The following ATP8B4 variants were observed in gnomAD, a reference collection of about 807,000 sequenced individuals.
ATP8B4 encodes the protein ATPase phospholipid transporting 8B4 (putative).
A neutral mutation model predicts 145.6 loss-of-function variants in ATP8B4; 133 were observed. That is an observed-to-expected ratio of 0.91 (90% CI 0.79 to 1.05). The LOEUF is 1.05. Ranked by LOEUF, ATP8B4 falls within the 50% of genes least tolerant of loss-of-function variation. The pLI is 0.00. For synonymous variants in ATP8B4, 507 were observed against 492.9 expected, an observed-to-expected ratio of 1.03 and a Z score of -0.38; for missense variants, 1,458 against 1,425.2, an observed-to-expected ratio of 1.02 and a Z score of -0.37.
chr15:49,926,402 C>G (rs1244575535), intron 16 of ATP8B4, among the ~76,000 whole-genome samples: 1 of 152,120 alleles, frequency 6.6e-6, no homozygotes, highest in African/African-American at 2.4e-5. Flanking sequence ...CTTGCCACTT[C>G]TCTCTTGCCT....
intron 6 of ATP8B4, among the ~76,000 whole-genome samples, chr15:50,024,974 T>C (rs1039909564): frequency 6.6e-6 from 1 of 152,144 alleles, no homozygotes; most frequent in Non-Finnish European, 1.5e-5. Flanking sequence ...ACACACAATA[T>C]ATGAATACTT....
chr15:50,017,228 T>C (rs769868137), intron 6 of ATP8B4, among the ~76,000 whole-genome samples: 37 of 152,356 alleles, frequency 2.4e-4, no homozygotes, highest in Non-Finnish European at 4.3e-4. Context: ...AGTTGGGAGA[T>C]ACATTTCTAG....
At chr15:50,170,481 T>C (rs2044654400) in intron 1 of ATP8B4, among the ~76,000 whole-genome samples, 1 of 124,664 alleles carries the variant, frequency 8.0e-6, no homozygotes, top group Non-Finnish European at 1.7e-5. Flanking sequence ...GCTGAGAGAA[T>C]TCACCATTAC....
intron 12 of ATP8B4, among the ~76,000 whole-genome samples, chr15:49,975,967 C>A (rs2045621889): frequency 6.6e-6 from 1 of 152,060 alleles, no homozygotes; most frequent in African/African-American, 2.4e-5. Context: ...CTTGGTTTTT[C>A]TCATCTGTAA....
intron 6 of ATP8B4, among the ~76,000 whole-genome samples, chr15:50,029,632 T>C (rs146417523): frequency 1.9e-4 from 29 of 152,346 alleles, no homozygotes; most frequent in Non-Finnish European, 3.1e-4. Flanking sequence ...CAAATATCTT[T>C]GTACTATTCA....
rs149635718 is a variant in ATP8B4, at chr15:50,147,153, C to T, written c.-43+35108G>A. Among the ~76,000 whole-genome samples the T allele has an allele frequency of 9.9e-5, 15 of 152,252 alleles. No homozygotes were observed. In the East Asian group the frequency reaches 1.2e-3, roughly 12 times the overall value. ...TGTATTAGCCAGGCACGGTGGCTCA[C>T]GCCTGTAATCCCAGCACTTGGGGAG... On this transcript the variant is annotated intron_variant, in intron 1 of 3. Transcript: ENST00000558829.
At chr15:50,172,412 G>A (rs141286000) in intron 1 of ATP8B4, among the ~76,000 whole-genome samples, 13,748 of 152,310 alleles carry the variant, frequency 0.09, 834 homozygotes, top group African/African-American at 0.16. Flanking sequence ...CGGAGGTGCC[G>A]GGATTGCAGA....
At chr15:50,066,522 G>A (rs958168654) in intron 3 of ATP8B4, among the ~76,000 whole-genome samples, 3 of 152,132 alleles carry the variant, frequency 2.0e-5, no homozygotes, top group Non-Finnish European at 4.4e-5. Context: ...TGCTGCTCAA[G>A]AAGAATAGAG....
Position 49,860,120 on chromosome 15 carries a change from A to T in ATP8B4, c.*74T>A. On this transcript the variant is annotated 3_prime_UTR_variant, in exon 28 of 28. Transcript: ENST00000284509. The stretch of plus-strand genomic sequence containing the variant: ...TGCCCCACCTCTTGCCTCAAATCTC[A>T]AACTCTGGAGCCAGCAGAATTTCAG... The T allele has an allele frequency of 6.6e-7, 1 of 1,512,488 alleles. No individual in the cohort carries two copies. The highest frequency in any genetic ancestry group is 8.9e-7 in the Non-Finnish European group (1 of 1,127,514). The allele number at this position is 1,512,488 out of a possible 1,614,324, so 93.7% of individuals were successfully genotyped here. A position where few individuals can be genotyped will look rare whatever the true frequency, so the allele number is the denominator to read the frequency against.
chr15:50,051,341 A>C (rs117753995), intron 3 of ATP8B4, among the ~76,000 whole-genome samples: 3 of 152,098 alleles, frequency 2.0e-5, no homozygotes, highest in Non-Finnish European at 2.9e-5. Flanking sequence ...TCTTTTCTTT[A>C]TAAGTTACCC....
In ATP8B4 at chr15:49,859,933, TTA is replaced by T. The variant is rs2031319120; in HGVS notation, c.*259_*260del. On this transcript the variant is annotated 3_prime_UTR_variant, in exon 28 of 28. Transcript: ENST00000284509. ...CAGGTCAATTGGTATCTAGGTTGAT[TTA>T]AAAAAAAAAAAAATCTGTACTTGTA... 8 of 414,882 alleles carry T rather than the reference TTA, an allele frequency of 1.9e-5. No individual in the cohort carries two copies. Among genetic ancestry groups the T allele is most frequent in the African/African-American group, 2.3e-5 (1 of 44,412 alleles). 25.7% of individuals were successfully genotyped at this position (414,882 alleles called of 1,614,324 possible). A position where few individuals can be genotyped will look rare whatever the true frequency, so the allele number is the denominator to read the frequency against.
chr15:49,981,267 C>G lies in ATP8B4; in HGVS notation c.776G>C (p.Ser259Thr). ...TGTCCTTTTAAACTTTGTCTTACCA[C>G]TATTCTGCATTAGTTTAGTGTCAGG... is the stretch of plus-strand genomic sequence containing the variant. The part of the protein sequence containing the change: ...AGPDTKLMQN[S>T]GKTKFKRTSI... Residue 259 changes from serine to threonine, a missense_variant, in exon 11 of 28, where the codon AGT (serine) becomes ACT (threonine). Physicochemically the swap from Ser to Thr is moderately conservative, Grantham distance 58. Coordinates refer to ENST00000284509, the MANE Select transcript of ATP8B4 (RefSeq NM_024837.4). 1.2e-6 allele frequency: 2 copies of G among 1,609,522 alleles called. No homozygotes were observed. Among genetic ancestry groups the G allele is most frequent in the Non-Finnish European group, 1.7e-6 (2 of 1,178,540 alleles).
rs2045995086 is a variant in ATP8B4 at position 49,979,789 on chromosome 15, C to T, written c.862G>A (p.Gly288Arg). 1.9e-6 allele frequency: 3 copies of T among 1,596,018 alleles called. No individual in the cohort carries two copies. The highest frequency in any genetic ancestry group is 2.6e-6 in the Non-Finnish European group (3 of 1,169,754). The stretch of plus-strand genomic sequence containing the variant: ...GAATTTCCTATTGCAAGAATAATTC[C>T]CAAGCATATCAGAAACCCAAAAATC... ...LWIFGFLICL[G>R]IILAIGNSIW... Residue 288 changes from glycine (G) to arginine (R), a missense_variant, in exon 12 of 28, where the codon GGA (glycine) becomes AGA (arginine). Transcript: ENST00000284509.
chr15:49,898,530 GGAGA>G (rs559518820), intron 21 of ATP8B4, among the ~76,000 whole-genome samples: 1 of 152,112 alleles, frequency 6.6e-6, no homozygotes, highest in Non-Finnish European at 1.5e-5. Context: ...ATGCTGCACT[GGAGA>G]GAGAGAGTTA....
At chr15:50,025,362 G>A (rs1306538644) in intron 6 of ATP8B4, among the ~76,000 whole-genome samples, 2 of 152,180 alleles carry the variant, frequency 1.3e-5, no homozygotes, top group African/African-American at 4.8e-5. Context: ...TCTGGCCTCT[G>A]ATGGCTTCTC....
chr15:49,975,402 C>T (rs2045575537), intron 12 of ATP8B4, among the ~76,000 whole-genome samples: 1 of 152,064 alleles, frequency 6.6e-6, no homozygotes, highest in Non-Finnish European at 1.5e-5. Context: ...CTATCCATAA[C>T]TTTTTTGTAT....
chr15:49,965,594 G>A (rs753261659), intron 13 of ATP8B4, among the ~76,000 whole-genome samples: 9 of 152,162 alleles, frequency 5.9e-5, no homozygotes, highest in Non-Finnish European at 1.2e-4. Flanking sequence ...ATAAAAGCAC[G>A]CAAACAAGAA....
chr15:50,129,402 C>T (rs1292536474), intron 1 of ATP8B4, among the ~76,000 whole-genome samples: 1 of 152,164 alleles, frequency 6.6e-6, no homozygotes, highest in Admixed American at 6.5e-5. Flanking sequence ...CTCTCTTCAG[C>T]TTCTGGTACT....
chr15:49,961,531 A>ATG, intron 14 of ATP8B4, among the ~76,000 whole-genome samples: 2 of 152,168 alleles, frequency 1.3e-5, no homozygotes, highest in African/African-American at 4.8e-5. Flanking sequence ...AATATTGAAA[A>ATG]TCCTAAATGT....
Sources: gnomAD v4.1 joint callset for allele counts (sites outside exome capture counted in the v4.1 genomes callset) on GRCh38, gnomAD v4.1.1 for gene constraint, MANE v1.5 for transcripts, NCBI Gene and HGNC (gene_info 2026-07-23, HGNC 2026-07-21) for gene names.